POLR3B: variants seen among roughly 807,000 people sequenced by gnomAD.
The protein encoded by POLR3B is DNA-directed RNA polymerase III subunit RPC2.
Under a neutral mutation model 147.4 loss-of-function variants are expected in POLR3B, and 96 were observed. That is an observed-to-expected ratio of 0.65 (90% CI 0.55 to 0.77). POLR3B has a LOEUF of 0.77. POLR3B is among the 30% of genes least tolerant of loss of function. The probability of loss-of-function intolerance (pLI) is 0.00; values close to 1 mark genes in which losing one functional copy is unlikely to be tolerated. For missense variants in POLR3B, 1,036 were observed against 1,413.5 expected (o/e 0.73, Z 4.28); for synonymous variants, 461 against 485.9 (o/e 0.95, Z 0.67).
chr12:106,463,679 C>T, intron 23 of POLR3B, 59 bp downstream of exon 23: 1 of 1,414,052 alleles, frequency 7.1e-7, no homozygotes, highest in South Asian at 1.2e-5. Context: ...ATTTGTTAAC[C>T]ACTTAAATAA....
rs561044224 is a variant in POLR3B at position 106,457,104 on chromosome 12, G to T, written c.2294-34G>T. ...TATTTCCTTATAGCTTTGGGTTACT[G>T]GTGGTTCTAATGCCCATCTTGGTTT... On this transcript the variant is annotated intron_variant, in intron 20 of 27. Coordinates refer to ENST00000228347, the MANE Select transcript of POLR3B (RefSeq NM_018082.6). 3.1e-6 allele frequency: 5 copies of T among 1,591,384 alleles called. No individual in the cohort carries two copies. In the South Asian group the frequency reaches 5.5e-5, roughly 18 times the overall value.
chr12:106,430,320 C>T lies in POLR3B; in HGVS notation c.1311C>T (p.Thr437=). 1 of 1,614,052 alleles carries T rather than the reference C, an allele frequency of 6.2e-7. No homozygotes were observed. Among genetic ancestry groups the T allele is most frequent in the African/African-American group, 1.3e-5 (1 of 75,034 alleles). Reference sequence around the variant, plus strand: ...TTAAAATGGACCGCCAGGGTGTAACCCAAGTGCTGTCTCGCTTGTCATATA... The same window carrying T: ...TTAAAATGGACCGCCAGGGTGTAACTCAAGTGCTGTCTCGCTTGTCATATA... ...KRFKMDRQGV[T]QVLSRLSYIS... is the part of the protein sequence containing the mutation. Residue 437 remains threonine (T), a synonymous_variant, in exon 14 of 28, where the codon ACC becomes ACT. Transcript: ENST00000228347.
Position 106,444,482 on chromosome 12 carries a change from ATTGAACCC to A in POLR3B, c.1978_1985del (p.Glu660HisfsTer16). On this transcript the variant is annotated frameshift_variant, in exon 19 of 28. Transcript: ENST00000228347. LOFTEE classifies it high-confidence loss of function. ...TGTTAGAGACACCACCCACTTGGAG[ATTGAACCC>A]TTCACTCTTCTCGGCGTGTGTGCTG... 7 of 1,613,720 alleles carry A rather than the reference ATTGAACCC, an allele frequency of 4.3e-6. No individual in the cohort carries two copies. The highest frequency in any genetic ancestry group is 5.1e-6 in the Non-Finnish European group (6 of 1,179,884).
chr12:106,375,501 T>C, intron 6 of POLR3B, among the ~76,000 whole-genome samples: 1 of 152,224 alleles, frequency 6.6e-6, no homozygotes, highest in East Asian at 1.9e-4. Context: ...TTAAACTCTC[T>C]TTCATATCTT....
intron 27 of POLR3B, chr12:106,507,815 A>T: frequency 2.2e-6 from 1 of 455,958 alleles, no homozygotes; most frequent in East Asian, 6.9e-5. Context: ...TCTTTTCTAA[A>T]ATAATACAAG....
chr12:106,376,048 G>C (rs2036674117), intron 6 of POLR3B, among the ~76,000 whole-genome samples: 1 of 152,148 alleles, frequency 6.6e-6, no homozygotes, highest in Non-Finnish European at 1.5e-5. Context: ...GTTCCACCAT[G>C]TTGGCCAGGC....
chr12:106,361,843 C>T (rs926894682), intron 1 of POLR3B, among the ~76,000 whole-genome samples: 2 of 152,150 alleles, frequency 1.3e-5, no homozygotes, highest in African/African-American at 2.4e-5. Flanking sequence ...GAGAATGATA[C>T]CACAGAGTGT....
At chr12:106,480,045 G>A (rs2038244978) in intron 23 of POLR3B, among the ~76,000 whole-genome samples, 1 of 151,062 alleles carries the variant, frequency 6.6e-6, no homozygotes, top group Non-Finnish European at 1.5e-5. Context: ...TAGAGACTAG[G>A]TATTGCCATA....
chr12:106,484,962 T>G (rs2038318321), intron 23 of POLR3B, among the ~76,000 whole-genome samples: 1 of 152,164 alleles, frequency 6.6e-6, no homozygotes. Context: ...GGGCATATCC[T>G]ATAGGGCCTT....
intron 6 of POLR3B, among the ~76,000 whole-genome samples, chr12:106,372,930 G>T (rs543138283): frequency 2.0e-5 from 3 of 151,996 alleles, no homozygotes; most frequent in Non-Finnish European, 4.4e-5. Context: ...TTCCCATTAC[G>T]ATTTCCCTTT....
At chr12:106,455,442 T>C (rs775591739) in intron 20 of POLR3B, among the ~76,000 whole-genome samples, 2 of 152,184 alleles carry the variant, frequency 1.3e-5, no homozygotes, top group Non-Finnish European at 2.9e-5. Context: ...AATTTATGCC[T>C]CTTTTTTTCC....
chr12:106,448,427 CTTTTTTTTTT>C (rs869133588), intron 19 of POLR3B, among the ~76,000 whole-genome samples: 9 of 50,614 alleles, frequency 1.8e-4, no homozygotes, highest in East Asian at 5.7e-4. Flanking sequence ...TACGTTATTT[CTTTTTTTTTT>C]TTTTTTTTTT....
intron 9 of POLR3B, among the ~76,000 whole-genome samples, chr12:106,383,112 T>C (rs1390299032): frequency 2.0e-5 from 3 of 152,220 alleles, no homozygotes; most frequent in African/African-American, 4.8e-5. Context: ...TCTGCTAGTT[T>C]CCAACTTTTC....
chr12:106,454,327 A>G (rs1023195558), intron 19 of POLR3B, among the ~76,000 whole-genome samples, 175 bp from the exon 20 acceptor site: 2 of 152,182 alleles, frequency 1.3e-5, no homozygotes, highest in Non-Finnish European at 2.9e-5. Flanking sequence ...TTAGTGAGAA[A>G]AGTTGCTTTT....
chr12:106,382,636 TA>T (rs1350803003), intron 9 of POLR3B, among the ~76,000 whole-genome samples: 1 of 152,230 alleles, frequency 6.6e-6, no homozygotes, highest in Non-Finnish European at 1.5e-5. Context: ...GTAATGTTTT[TA>T]AAGGATCTTT....
intron 9 of POLR3B, among the ~76,000 whole-genome samples, chr12:106,383,968 A>T (rs2036799500): frequency 6.7e-6 from 1 of 149,868 alleles, no homozygotes. Flanking sequence ...ACAGAGTGAG[A>T]CTCCATCTCA....
At chr12:106,457,761 A>G (rs1290669718) in intron 21 of POLR3B, among the ~76,000 whole-genome samples, 1 of 152,222 alleles carries the variant, frequency 6.6e-6, no homozygotes, top group African/African-American at 2.4e-5. Flanking sequence ...GACATTGATC[A>G]GAGGATCATG....
intron 23 of POLR3B, among the ~76,000 whole-genome samples, chr12:106,490,704 G>A (rs976885046): frequency 1.3e-5 from 2 of 152,090 alleles, no homozygotes; most frequent in Admixed American, 1.3e-4. Context: ...AAAAGGGGAG[G>A]GGAAGAACGG....
chr12:106,413,852 T>C (rs1300369741), intron 12 of POLR3B, among the ~76,000 whole-genome samples: 3 of 152,096 alleles, frequency 2.0e-5, no homozygotes, highest in Non-Finnish European at 2.9e-5. Flanking sequence ...GTTCATTTTC[T>C]ATTCAGCCAT....
Sources: allele counts gnomAD v4.1 joint callset (sites outside exome capture counted in the v4.1 genomes callset), GRCh38; gene constraint gnomAD v4.1.1; transcripts MANE v1.5; gene names NCBI Gene and HGNC (gene_info 2026-07-23, HGNC 2026-07-21).